The following ST3GAL1 variants were observed in gnomAD, a reference collection of about 807,000 sequenced individuals.
The protein encoded by ST3GAL1 is ST3 beta-galactoside alpha-2,3-sialyltransferase 1.
In ST3GAL1, 16 loss-of-function variants were observed where a neutral mutation model predicts 34.1. That is an observed-to-expected ratio of 0.47 (90% confidence interval 0.32 to 0.71). The LOEUF is 0.71. ST3GAL1 is among the 30% of genes least tolerant of loss of function. The probability of loss-of-function intolerance (pLI) is 0.04; values close to 1 mark genes in which losing one functional copy is unlikely to be tolerated. For missense variants in ST3GAL1, 353 were observed against 447.4 expected (o/e 0.79, Z 1.90); for synonymous variants, 191 against 184.7 (o/e 1.03, Z -0.28).
At chr8:133,532,717 G>A (rs368546185) in intron 2 of ST3GAL1, among the ~76,000 whole-genome samples, 4 of 152,294 alleles carry the variant, frequency 2.6e-5, no homozygotes, top group African/African-American at 7.2e-5. Context: ...CGAATGTCCA[G>A]TGGTGTTCTG....
chr8:133,538,896 C>A (rs145293962), intron 2 of ST3GAL1, among the ~76,000 whole-genome samples: 5 of 148,650 alleles, frequency 3.4e-5, no homozygotes, highest in African/African-American at 1.3e-4. Context: ...CAGCGCAGCC[C>A]CCCAACTTAT....
intron 2 of ST3GAL1, among the ~76,000 whole-genome samples, chr8:133,540,552 C>T (rs1438486405): frequency 6.6e-6 from 1 of 151,864 alleles, no homozygotes; most frequent in Non-Finnish European, 1.5e-5. Flanking sequence ...ATCAACAGCC[C>T]CTGCTCTCCT....
intron 2 of ST3GAL1, among the ~76,000 whole-genome samples, chr8:133,537,402 C>T (rs1818341787): frequency 6.6e-6 from 1 of 152,092 alleles, no homozygotes; most frequent in African/African-American, 2.4e-5. Flanking sequence ...GTCAGAAAGT[C>T]AGGGAAAGAT....
intron 1 of ST3GAL1, among the ~76,000 whole-genome samples, chr8:133,561,770 C>A (rs1388552938): frequency 6.6e-6 from 1 of 152,138 alleles, no homozygotes; most frequent in East Asian, 1.9e-4. Flanking sequence ...AGGCCTAGAT[C>A]TGCCATTTCC....
intron 1 of ST3GAL1, among the ~76,000 whole-genome samples, chr8:133,562,142 G>T (rs1271802935): frequency 6.6e-6 from 1 of 151,348 alleles, no homozygotes; most frequent in Non-Finnish European, 1.5e-5. Flanking sequence ...CAGACACACA[G>T]AAGATCTGGA....
intron 1 of ST3GAL1, among the ~76,000 whole-genome samples, chr8:133,565,792 G>A (rs910947984): frequency 6.6e-6 from 1 of 152,232 alleles, no homozygotes; most frequent in African/African-American, 2.4e-5. Flanking sequence ...GGTCAAAGAG[G>A]TTAAACAACG....
Position 133,459,711 on chromosome 8 carries a change from G to A in ST3GAL1, c.*53C>T. 6.5e-7 allele frequency: 1 copy of A among 1,544,422 alleles called. No homozygotes were observed. Among genetic ancestry groups the A allele is most frequent in the Non-Finnish European group, 8.8e-7 (1 of 1,140,400 alleles). Reference sequence around the variant, plus strand: ...ATGGAACGGCTCCAGCAAGATGCTGGGGCTGGAAATGCAGAGGTGTGACAG... The same window carrying A: ...ATGGAACGGCTCCAGCAAGATGCTGAGGCTGGAAATGCAGAGGTGTGACAG... On this transcript the variant is annotated 3_prime_UTR_variant, in exon 10 of 10. Coordinates refer to ENST00000522652, the MANE Select transcript of ST3GAL1 (RefSeq NM_173344.3). This position sits in a 1 kb window ranked among gnomAD's most constrained non-coding sequence, Gnocchi z 4.7.
At chr8:133,559,190 T>C (rs1819147667) in intron 1 of ST3GAL1, among the ~76,000 whole-genome samples, 1 of 152,210 alleles carries the variant, frequency 6.6e-6, no homozygotes, top group Non-Finnish European at 1.5e-5. Flanking sequence ...CTCTTGTTTA[T>C]ATCAGTTACC....
Position 133,537,360 on chromosome 8 carries a change from G to A in ST3GAL1, c.-429+8414C>T, listed in dbSNP as rs192912257. 4.3e-3 allele frequency among the ~76,000 whole-genome samples: 653 copies of A among 152,230 alleles called. 2 individuals are homozygous for A. The highest frequency in any genetic ancestry group is 0.015 in the African/African-American group (614 of 41,548). The stretch of plus-strand genomic sequence containing the variant: ...TTCCTTCTCCCAGGGTACAGGGTAG[G>A]ACCCTCTCTGGGGAGGATCTCAAGA... On this transcript the variant is annotated intron_variant, in intron 2 of 9. Coordinates refer to ENST00000522652, the MANE Select transcript of ST3GAL1 (RefSeq NM_173344.3).
At position 133,464,765 on chromosome 8, in the gene ST3GAL1, A is replaced by G; in HGVS notation, c.683+13T>C. On this transcript the variant is annotated intron_variant, in intron 7 of 9. Transcript: ENST00000522652. ...GGGCAGAGCAGCGAGGCGGGGCCAC[A>G]GGAGGGACTCACTGGGAAATGGTGC... is the stretch of plus-strand genomic sequence containing the variant. 1 of 1,608,394 alleles carries G rather than the reference A, an allele frequency of 6.2e-7. No individual in the cohort carries two copies. The highest frequency in any genetic ancestry group is 8.5e-7 in the Non-Finnish European group (1 of 1,176,262).
intron 1 of ST3GAL1, among the ~76,000 whole-genome samples, chr8:133,560,354 T>C (rs890529962): frequency 1.3e-5 from 2 of 152,234 alleles, no homozygotes; most frequent in Non-Finnish European, 2.9e-5. Flanking sequence ...TATCTATTGC[T>C]GTGTAATAAA....
At chr8:133,510,785 C>A (rs556189661) in intron 2 of ST3GAL1, among the ~76,000 whole-genome samples, 1 of 152,292 alleles carries the variant, frequency 6.6e-6, no homozygotes, top group Admixed American at 6.5e-5. Flanking sequence ...TTACTGACAG[C>A]GTCATGTTGC....
At chr8:133,470,593 C>A (rs1815914956) in intron 5 of ST3GAL1, among the ~76,000 whole-genome samples, 1 of 152,174 alleles carries the variant, frequency 6.6e-6, no homozygotes, top group Non-Finnish European at 1.5e-5. Flanking sequence ...GGCCTGAGCT[C>A]CTTGGGAAGC....
chr8:133,529,567 T>G lies in ST3GAL1; in HGVS notation c.-429+16207A>C, dbSNP rs545889100. ...CCCAGAGGAGGGGCTCCGGGCCCCA[T>G]GGTGGGCTCTAGGGTAGATGGCCAG... is the stretch of plus-strand genomic sequence containing the variant. On this transcript the variant is annotated intron_variant, in intron 2 of 9. Transcript: ENST00000522652. 4.6e-5 allele frequency among the ~76,000 whole-genome samples: 7 copies of G among 152,208 alleles called. No homozygotes were observed. The South Asian group carries it at 1.2e-3, about 27-fold the overall frequency.
intron 2 of ST3GAL1, among the ~76,000 whole-genome samples, chr8:133,542,469 CCA>C: frequency 6.6e-6 from 1 of 152,250 alleles, no homozygotes; most frequent in Non-Finnish European, 1.5e-5. Flanking sequence ...ATCTGTGAGT[CCA>C]CACTGATATA....
chr8:133,484,429 C>T (rs1027030153), intron 3 of ST3GAL1, among the ~76,000 whole-genome samples: 1 of 152,214 alleles, frequency 6.6e-6, no homozygotes, highest in Non-Finnish European at 1.5e-5. Context: ...TGAGTTAAAA[C>T]AACTAGGAGA....
At chr8:133,518,532 T>C (rs528002305) in intron 2 of ST3GAL1, among the ~76,000 whole-genome samples, 1 of 152,344 alleles carries the variant, frequency 6.6e-6, no homozygotes, top group African/African-American at 2.4e-5. Flanking sequence ...GATGCTTAAA[T>C]CTTATCCAGC....
At chr8:133,501,574 C>A (rs1249136832) in intron 2 of ST3GAL1, among the ~76,000 whole-genome samples, 3 of 152,040 alleles carry the variant, frequency 2.0e-5, no homozygotes, top group Non-Finnish European at 1.5e-5. Flanking sequence ...CATGGTGAAA[C>A]CCTGTCTCAA....
chr8:133,468,609 CAA>C (rs1815833829), intron 5 of ST3GAL1, among the ~76,000 whole-genome samples: 1 of 152,322 alleles, frequency 6.6e-6, no homozygotes, highest in Non-Finnish European at 1.5e-5. Context: ...CGTACACACA[CAA>C]GTGGTGAAAA....
Sources: gnomAD v4.1 joint callset for allele counts (sites outside exome capture counted in the v4.1 genomes callset) on GRCh38, gnomAD v4.1.1 for gene constraint, Gnocchi (gnomAD v3.1) non-coding constraint, MANE v1.5 for transcripts, NCBI Gene and HGNC (gene_info 2026-07-23, HGNC 2026-07-21) for gene names.